KIAA1217: variants seen among roughly 807,000 people sequenced by gnomAD.
KIAA1217 encodes the protein sickle tail protein homolog.
In KIAA1217, 88 loss-of-function variants were observed where a neutral mutation model predicts 163.9. The observed-to-expected ratio is 0.54, with a 90% CI of 0.45 to 0.64. The LOEUF is 0.64. KIAA1217 is among the 30% of genes least tolerant of loss of function. The probability of loss-of-function intolerance (pLI) is 0.00; values close to 1 mark genes in which losing one functional copy is unlikely to be tolerated. For synonymous variants in KIAA1217, 903 were observed against 923.1 expected (o/e 0.98, Z 0.39); for missense variants, 2,372 against 2,475.0 (o/e 0.96, Z 0.88).
intron 2 of KIAA1217, among the ~76,000 whole-genome samples, chr10:24,380,039 T>G (rs1281439369): frequency 1.3e-5 from 2 of 152,026 alleles, no homozygotes; most frequent in African/African-American, 4.8e-5. Context: ...GCAACAAGAA[T>G]GAAACGCCAT....
chr10:24,405,546 T>C (rs1189562579), intron 3 of KIAA1217, among the ~76,000 whole-genome samples: 2 of 152,152 alleles, frequency 1.3e-5, no homozygotes. Flanking sequence ...TCCTCCTATT[T>C]TCTAGAAGGA....
chr10:24,316,218 G>T (rs780075604), intron 2 of KIAA1217, among the ~76,000 whole-genome samples: 1 of 152,142 alleles, frequency 6.6e-6, no homozygotes, highest in Admixed American at 6.5e-5. Flanking sequence ...TTAAATTACT[G>T]TGATTTGAGT....
chr10:24,464,916 G>A (rs899381668), intron 5 of KIAA1217, among the ~76,000 whole-genome samples: 1 of 152,158 alleles, frequency 6.6e-6, no homozygotes. Context: ...CAGTCACTGG[G>A]ACAAGCAACC....
intron 2 of KIAA1217, among the ~76,000 whole-genome samples, chr10:24,234,890 G>A (rs892324368): frequency 2.6e-5 from 4 of 152,114 alleles, no homozygotes; most frequent in Non-Finnish European, 5.9e-5. Context: ...AATGGCTTGA[G>A]TTTAGGTCTT....
rs1554826424 is a variant in KIAA1217 at position 23,934,625 on chromosome 10, A to ATATTTTTTTT, written c.-320-72599_-320-72598insATTTTTTTTT. 8.8e-5 allele frequency among the ~76,000 whole-genome samples: 6 copies of ATATTTTTTTT among 68,550 alleles called. No individual in the cohort carries two copies. In the South Asian group the frequency reaches 1.1e-3, roughly 13 times the overall value. 45.0% of individuals were successfully genotyped at this position (68,550 alleles called of 152,430 possible). A position where few individuals can be genotyped will look rare whatever the true frequency, so the allele number is the denominator to read the frequency against. On this transcript the variant is annotated intron_variant, in intron 1 of 18. Transcript: ENST00000376462. ...TATATATGTATATATATATATATAT[A>ATATTTTTTTT]TTTTTTTTTTGAGACGGAGTCTCGC... is the stretch of plus-strand genomic sequence containing the variant.
chr10:24,099,333 C>A (rs1005774949), intron 2 of KIAA1217, among the ~76,000 whole-genome samples: 1 of 150,856 alleles, frequency 6.6e-6, no homozygotes, highest in East Asian at 2.0e-4. Flanking sequence ...ATCCCTCCCC[C>A]ATTCCCCTAC....
intron 1 of KIAA1217, among the ~76,000 whole-genome samples, chr10:23,696,897 T>C (rs1451923084): frequency 6.6e-6 from 1 of 152,226 alleles, no homozygotes; most frequent in East Asian, 1.9e-4. Context: ...GCATGAATTA[T>C]GCATAGTTAA....
Position 24,325,317 on chromosome 10 carries a change from A to G in KIAA1217, c.355-55552A>G, listed in dbSNP as rs370934373. On this transcript the variant is annotated intron_variant, in intron 2 of 20. Coordinates refer to ENST00000376454, the MANE Select transcript of KIAA1217 (RefSeq NM_019590.5). ...AACTCAAGCAGGCTGCAGCAGTTCAATGCTCTGCAGGCGTCAGTTCCTGGC... is the reference window on the plus strand; with the variant it reads ...AACTCAAGCAGGCTGCAGCAGTTCAGTGCTCTGCAGGCGTCAGTTCCTGGC... Among the ~76,000 whole-genome samples, 338 of 152,342 alleles carry G rather than the reference A, an allele frequency of 2.2e-3. 4 individuals are homozygous for G. Among genetic ancestry groups the G allele is most frequent in the African/African-American group, 7.8e-3 (323 of 41,570 alleles).
chr10:23,919,950 A>G (rs752650289), intron 1 of KIAA1217, among the ~76,000 whole-genome samples: 6 of 152,126 alleles, frequency 3.9e-5, no homozygotes, highest in Non-Finnish European at 5.9e-5. Flanking sequence ...CAATTTTTAC[A>G]GGGCACAATC....
intron 1 of KIAA1217, among the ~76,000 whole-genome samples, chr10:23,908,309 G>T (rs1044752350): frequency 1.6e-4 from 24 of 151,986 alleles, no homozygotes; most frequent in Non-Finnish European, 1.8e-4. Flanking sequence ...CCATAATTTG[G>T]ATTTCATCCT....
At chr10:24,164,767 C>T (rs1270393909) in intron 2 of KIAA1217, among the ~76,000 whole-genome samples, 1 of 152,144 alleles carries the variant, frequency 6.6e-6, no homozygotes, top group Admixed American at 6.5e-5. Context: ...CAGACACCCC[C>T]CTCAGGGATT....
At chr10:24,372,401 CT>C (rs2051793157) in intron 2 of KIAA1217, among the ~76,000 whole-genome samples, 1 of 152,102 alleles carries the variant, frequency 6.6e-6, no homozygotes, top group African/African-American at 2.4e-5. Context: ...TTCTTTGATA[CT>C]TTTTTGAGAG....
At chr10:23,840,340 G>A (rs1838711653) in intron 1 of KIAA1217, among the ~76,000 whole-genome samples, 1 of 152,024 alleles carries the variant, frequency 6.6e-6, no homozygotes, top group African/African-American at 2.4e-5. Flanking sequence ...ATTTTTAGTA[G>A]AGATGGGGTT....
At chr10:24,082,594 C>G (rs58198942) in intron 2 of KIAA1217, among the ~76,000 whole-genome samples, 2 of 152,066 alleles carry the variant, frequency 1.3e-5, no homozygotes, top group African/African-American at 2.4e-5. Context: ...TTTATAGCTG[C>G]GTAGTATTCT....
At chr10:24,403,552 C>G (rs567079273) in intron 3 of KIAA1217, among the ~76,000 whole-genome samples, 21 of 152,166 alleles carry the variant, frequency 1.4e-4, no homozygotes, top group African/African-American at 5.1e-4. Context: ...ATCTCCTTAA[C>G]AGGATGGAAA....
At chr10:24,066,542 G>A (rs188240912) in intron 2 of KIAA1217, among the ~76,000 whole-genome samples, 130 of 152,282 alleles carry the variant, frequency 8.5e-4, no homozygotes, top group African/African-American at 3.1e-3. Context: ...CCCTTTGTGG[G>A]TGACCTGACC....
chr10:23,761,380 A>G (rs1834254595), intron 1 of KIAA1217, among the ~76,000 whole-genome samples: 1 of 152,152 alleles, frequency 6.6e-6, no homozygotes, highest in South Asian at 2.1e-4. Flanking sequence ...TAGCTTTCTG[A>G]TGTGAGCATT....
chr10:23,782,819 C>T (rs1325592258), intron 1 of KIAA1217, among the ~76,000 whole-genome samples: 2 of 152,102 alleles, frequency 1.3e-5, no homozygotes, highest in African/African-American at 2.4e-5. Context: ...AATTTGGATG[C>T]CTTTAATTAC....
At chr10:23,802,990 T>C (rs1193526892) in intron 1 of KIAA1217, among the ~76,000 whole-genome samples, 24 of 152,090 alleles carry the variant, frequency 1.6e-4, no homozygotes, top group Admixed American at 1.6e-3. Flanking sequence ...ATGAGGTAGG[T>C]GCTATTATTA....
Sources: gnomAD v4.1 joint callset for allele counts (sites outside exome capture counted in the v4.1 genomes callset) on GRCh38, gnomAD v4.1.1 for gene constraint, MANE v1.5 for transcripts, NCBI Gene and HGNC (gene_info 2026-07-23, HGNC 2026-07-21) for gene names.